Variants in ZNF777 observed in about 807,000 individuals in gnomAD.
ZNF777 encodes the protein zinc finger protein 777.
Under a neutral mutation model 72.1 loss-of-function variants are expected in ZNF777, and 7 were observed. That is an observed-to-expected ratio of 0.10 (90% confidence interval 0.06 to 0.18). ZNF777 has a LOEUF of 0.18. Ranked by LOEUF, ZNF777 falls within the 10% of genes least tolerant of loss-of-function variation. The pLI, the probability that ZNF777 is intolerant of heterozygous loss-of-function variation, is 1.00. For synonymous variants in ZNF777, 545 were observed against 483.5 expected (o/e 1.13, Z -1.67); for missense variants, 828 against 1,128.6 (o/e 0.73, Z 3.82).
chr7:149,440,806 C>A (rs549823387), intron 4 of ZNF777, among the ~76,000 whole-genome samples: 2 of 151,630 alleles, frequency 1.3e-5, no homozygotes, highest in South Asian at 4.2e-4. Context: ...ATTGTGCCCT[C>A]AAAGCCACCT....
intron 1 of ZNF777, among the ~76,000 whole-genome samples, chr7:149,456,761 A>C (rs750533265): frequency 1.3e-5 from 2 of 152,196 alleles, no homozygotes; most frequent in Non-Finnish European, 1.5e-5. Context: ...TTACTCTTTG[A>C]TAACAGTTGC....
chr7:149,458,741 T>C (rs2116612848), intron 1 of ZNF777, among the ~76,000 whole-genome samples: 1 of 152,370 alleles, frequency 6.6e-6, no homozygotes, highest in South Asian at 2.1e-4. Flanking sequence ...TGCTATAATT[T>C]AATCCATCCC....
intron 1 of ZNF777, among the ~76,000 whole-genome samples, chr7:149,459,111 C>G (rs976852657): frequency 6.6e-6 from 1 of 152,122 alleles, no homozygotes; most frequent in Non-Finnish European, 1.5e-5. Context: ...TAAACATCTT[C>G]GTTTGATTTT....
Position 149,431,716 on chromosome 7 carries a change from G to A in ZNF777, c.*60C>T, listed in dbSNP as rs926779574. 8 of 1,226,000 alleles carry A rather than the reference G, an allele frequency of 6.5e-6. No individual in the cohort carries two copies. Among genetic ancestry groups the A allele is most frequent in the Non-Finnish European group, 8.2e-6 (8 of 978,920 alleles). The allele number at this position is 1,226,000 out of a possible 1,614,324, so 75.9% of individuals were successfully genotyped here. On this transcript the variant is annotated 3_prime_UTR_variant, in exon 6 of 6. Coordinates refer to ENST00000247930, the MANE Select transcript of ZNF777 (RefSeq NM_015694.3). ...CCCGCCCGCTGGGCTCGGGCCTGGC[G>A]GTGTCCGAGGGGGGGCACGGCCCGC...
intron 1 of ZNF777, among the ~76,000 whole-genome samples, chr7:149,458,787 G>A (rs1321223656): frequency 3.9e-5 from 6 of 152,204 alleles, no homozygotes; most frequent in Non-Finnish European, 8.8e-5. Flanking sequence ...TAAGCAGAAA[G>A]AAATGACCAA....
intron 3 of ZNF777, 63 bp from the exon 4 acceptor site, chr7:149,451,175 T>A: frequency 6.9e-7 from 1 of 1,443,200 alleles, no homozygotes; most frequent in Non-Finnish European, 9.7e-7. Context: ...GTTGTTAAGG[T>A]ATCATCTGTG....
At chr7:149,457,597 T>C (rs1799858488) in intron 1 of ZNF777, among the ~76,000 whole-genome samples, 1 of 152,214 alleles carries the variant, frequency 6.6e-6, no homozygotes, top group South Asian at 2.1e-4. Flanking sequence ...TTTTATTGGT[T>C]CATTTATAGG....
chr7:149,459,262 G>A lies in ZNF777; in HGVS notation c.-16+1553C>T, dbSNP rs79643767. 1.0e-2 allele frequency among the ~76,000 whole-genome samples: 1,520 copies of A among 152,248 alleles called. 27 individuals carry two copies. Among genetic ancestry groups the A allele is most frequent in the African/African-American group, 0.033 (1,353 of 41,544 alleles). ...CATGCAGTAATCCTCTCACTAGCAC[G>A]GCCAGGGCGTCTCAAAGAGCAGGTC... On this transcript the variant is annotated intron_variant, in intron 1 of 5. Coordinates refer to ENST00000247930, the MANE Select transcript of ZNF777 (RefSeq NM_015694.3).
chr7:149,432,725 A>T lies in ZNF777; in HGVS notation c.1547T>A (p.Leu516Gln). The T allele has an allele frequency of 1.2e-6, 2 of 1,612,338 alleles. No homozygotes were observed. The highest frequency in any genetic ancestry group is 1.7e-6 in the Non-Finnish European group (2 of 1,178,956). ...CCGCTCACCGTGCACGGAGGGCGCC[A>T]GCCTTTTCACTGCGGGGTTTCCTAG... Reference protein sequence around the residue: ...LQLGNPAVKRLAPSVHGERHL... With the variant: ...LQLGNPAVKRQAPSVHGERHL... Residue 516 changes from leucine to glutamine, a missense_variant, in exon 6 of 6, where the codon CTG becomes CAG. By Grantham distance (113) the Leu-to-Gln change is moderately radical. Around this residue, in one of 12 missense-constraint regions of ZNF777, gnomAD observed 219 missense variants for 223.0 expected, o/e 0.98. Transcript: ENST00000247930.
chr7:149,443,878 C>A (rs943204522), intron 4 of ZNF777, among the ~76,000 whole-genome samples: 2 of 152,220 alleles, frequency 1.3e-5, no homozygotes, highest in Non-Finnish European at 2.9e-5. Context: ...GAGGCGCGAG[C>A]CACCACACCC....
At chr7:149,441,481 C>T (rs899359307) in intron 4 of ZNF777, among the ~76,000 whole-genome samples, 19 of 152,184 alleles carry the variant, frequency 1.2e-4, no homozygotes, top group Admixed American at 3.9e-4. Context: ...GGAGGATGTT[C>T]GGTTATTCGT....
chr7:149,442,073 T>C (rs183669540), intron 4 of ZNF777, among the ~76,000 whole-genome samples: 202 of 151,066 alleles, frequency 1.3e-3, no homozygotes, highest in African/African-American at 4.7e-3. Flanking sequence ...AAAAATTAGC[T>C]GGGCCTGGTG....
chr7:149,433,066 G>C, intron 5 of ZNF777, 134 bp from the exon 6 acceptor site: 2 of 1,355,700 alleles, frequency 1.5e-6, no homozygotes, highest in South Asian at 1.8e-5. Flanking sequence ...TTTGGGAAAA[G>C]TCCCCTCATT....
At chr7:149,445,064 AT>A (rs753533654) in intron 4 of ZNF777, among the ~76,000 whole-genome samples, 2 of 150,068 alleles carry the variant, frequency 1.3e-5, no homozygotes, top group East Asian at 3.9e-4. Context: ...CTTTATTTTT[AT>A]TTTTTTCCCT....
intron 2 of ZNF777, among the ~76,000 whole-genome samples, chr7:149,454,903 T>A (rs1799792436): frequency 6.6e-6 from 1 of 152,196 alleles, no homozygotes; most frequent in South Asian, 2.1e-4. Context: ...ACGGCTCTCA[T>A]CGGCCTTCGC....
intron 4 of ZNF777, among the ~76,000 whole-genome samples, chr7:149,440,860 A>G (rs1020625225): frequency 2.0e-5 from 3 of 151,940 alleles, no homozygotes; most frequent in African/African-American, 7.3e-5. Context: ...CCTCAAGAGC[A>G]TGGGTACCTC....
At chr7:149,457,217 G>A (rs974670386) in intron 1 of ZNF777, among the ~76,000 whole-genome samples, 1 of 152,286 alleles carries the variant, frequency 6.6e-6, no homozygotes, top group South Asian at 2.1e-4. Context: ...AATCACTGGG[G>A]AGGCGAAGCC....
At chr7:149,445,700 T>C in intron 4 of ZNF777, among the ~76,000 whole-genome samples, 1 of 152,324 alleles carries the variant, frequency 6.6e-6, no homozygotes, top group African/African-American at 2.4e-5. Context: ...CAACTGTGCC[T>C]GGTGCCCATG....
At chr7:149,435,394 C>G (rs1799392705) in intron 5 of ZNF777, among the ~76,000 whole-genome samples, 1 of 152,108 alleles carries the variant, frequency 6.6e-6, no homozygotes, top group Non-Finnish European at 1.5e-5. Context: ...TGGCCATGAA[C>G]TCCTGGGCTC....
Sources: allele counts gnomAD v4.1 joint callset (sites outside exome capture counted in the v4.1 genomes callset), GRCh38; gene constraint gnomAD v4.1.1; regional missense constraint gnomAD v4.1.1; transcripts MANE v1.5; gene names NCBI Gene and HGNC (gene_info 2026-07-23, HGNC 2026-07-21).